The following IL23R variants were observed in gnomAD, a reference collection of about 807,000 sequenced individuals.
IL23R encodes interleukin-23 receptor.
IL23R carries 34 observed loss-of-function variants against 56.9 expected under a neutral mutation model. That is an observed-to-expected ratio of 0.60 (90% CI 0.45 to 0.80). The LOEUF is 0.80. Among genes scored for constraint, IL23R ranks in the 30% least tolerant of loss-of-function variants. The pLI, the probability that IL23R is intolerant of heterozygous loss-of-function variation, is 0.00. For synonymous variants in IL23R, 230 were observed against 249.2 expected (o/e 0.92, Z 0.73); for missense variants, 635 against 730.0 (o/e 0.87, Z 1.50).
intron 7 of IL23R, among the ~76,000 whole-genome samples, chr1:67,224,134 C>T (rs1012596475): frequency 4.6e-5 from 7 of 152,140 alleles, no homozygotes; most frequent in African/African-American, 1.7e-4. Context: ...GGACAAGTTT[C>T]CTTCTGGAGA....
chr1:67,237,070 C>G (rs1453591053), intron 8 of IL23R, among the ~76,000 whole-genome samples: 1 of 151,954 alleles, frequency 6.6e-6, no homozygotes, highest in Admixed American at 6.6e-5. Context: ...TGAGACGAAG[C>G]CTTGTTCTGT....
chr1:67,142,505 T>A (rs140687846), intron 1 of IL23R, among the ~76,000 whole-genome samples: 1 of 152,216 alleles, frequency 6.6e-6, no homozygotes, highest in Non-Finnish European at 1.5e-5. Flanking sequence ...GCCTCTCCCA[T>A]TGGCCTGCTC....
intron 4 of IL23R, among the ~76,000 whole-genome samples, 193 bp from the exon 5 acceptor site, chr1:67,200,544 C>T (rs1648547303): frequency 6.6e-6 from 1 of 151,594 alleles, no homozygotes. Flanking sequence ...AGGCACATGC[C>T]ACCAATTATT....
intron 8 of IL23R, among the ~76,000 whole-genome samples, chr1:67,238,918 A>G (rs1312939530): frequency 1.3e-5 from 2 of 152,108 alleles, no homozygotes; most frequent in Non-Finnish European, 2.9e-5. Context: ...GCTTTAGAAG[A>G]GGGCTGGGCA....
intron 8 of IL23R, 125 bp from the exon 9 acceptor site, chr1:67,240,054 A>G (rs1038370689): frequency 2.7e-6 from 2 of 738,240 alleles, no homozygotes; most frequent in Admixed American, 2.1e-5. Context: ...GTAAAGGTTA[A>G]TTTTGCTTCC....
At chr1:67,186,188 C>A (rs190828382) in intron 4 of IL23R, among the ~76,000 whole-genome samples, 63 of 152,300 alleles carry the variant, frequency 4.1e-4, no homozygotes, top group African/African-American at 1.5e-3. Context: ...AAACTTTGCA[C>A]TTCAAGCACA....
intron 5 of IL23R, among the ~76,000 whole-genome samples, chr1:67,206,509 A>T (rs1029112498): frequency 6.6e-6 from 1 of 152,102 alleles, no homozygotes; most frequent in Non-Finnish European, 1.5e-5. Context: ...GATCATCTGA[A>T]CTAAATTTGG....
chr1:67,233,539 G>C (rs531478790), intron 7 of IL23R, among the ~76,000 whole-genome samples: 3 of 152,100 alleles, frequency 2.0e-5, no homozygotes, highest in African/African-American at 7.2e-5. Context: ...AACTAGCCTG[G>C]TGTTTTGGTA....
intron 1 of IL23R, among the ~76,000 whole-genome samples, chr1:67,151,634 G>A (rs926155272): frequency 6.6e-6 from 1 of 152,130 alleles, no homozygotes; most frequent in African/African-American, 2.4e-5. Context: ...CATATAAGGT[G>A]TAAGGAAAGG....
At chr1:67,264,178 A>G (rs1053472531), downstream of IL23R, among the ~76,000 whole-genome samples, 2 of 152,204 alleles carry the variant, frequency 1.3e-5, no homozygotes, top group South Asian at 4.1e-4. Flanking sequence ...GAGATTAATG[A>G]CTGCAAAAAG....
chr1:67,237,932 T>A (rs1390341030), intron 8 of IL23R, among the ~76,000 whole-genome samples: 4 of 152,174 alleles, frequency 2.6e-5, no homozygotes, highest in African/African-American at 9.7e-5. Context: ...TACTGGGGAA[T>A]CAGCAGTGAA....
intron 4 of IL23R, among the ~76,000 whole-genome samples, chr1:67,198,847 G>T (rs1203144339): frequency 6.6e-6 from 1 of 152,172 alleles, no homozygotes; most frequent in Admixed American, 6.5e-5. Flanking sequence ...CAGGAGGCTG[G>T]GGTGGGAGGA....
chr1:67,207,652 T>C, intron 6 of IL23R: 1 of 399,486 alleles, frequency 2.5e-6, no homozygotes, highest in South Asian at 1.9e-5. Context: ...AAGAAGAGCC[T>C]TTTGCCTCCC....
At position 67,169,426 on chromosome 1, in the gene IL23R, G is replaced by T. The variant is rs1260672434; in HGVS notation, c.155G>T (p.Cys52Phe). Reference sequence around the variant, plus strand: ...ATGGGTATGAATATCTCTATATATTGCCAAGCAGCAATTAAGAACTGCCAA... The same window carrying T: ...ATGGGTATGAATATCTCTATATATTTCCAAGCAGCAATTAAGAACTGCCAA... ...FKMGMNISIY[C>F]QAAIKNCQPR... Residue 52 changes from cysteine to phenylalanine, a missense_variant, in exon 3 of 11, where the codon TGC (cysteine) becomes TTC (phenylalanine). Transcript: ENST00000347310. 6.2e-7 allele frequency: 1 copy of T among 1,613,306 alleles called. No homozygotes were observed. Among genetic ancestry groups the T allele is most frequent in the South Asian group, 1.1e-5 (1 of 91,064 alleles).
chr1:67,247,492 T>C (rs1652310755), intron 9 of IL23R, among the ~76,000 whole-genome samples: 2 of 151,962 alleles, frequency 1.3e-5, no homozygotes. Context: ...TTAGTAGAGA[T>C]GGAGTTTCTC....
chr1:67,151,553 G>T (rs1488223870), intron 1 of IL23R, among the ~76,000 whole-genome samples: 1 of 152,088 alleles, frequency 6.6e-6, no homozygotes, highest in African/African-American at 2.4e-5. Flanking sequence ...GTATTGCCTA[G>T]GTTTTCTTCT....
chr1:67,188,485 C>G (rs1421241813), intron 4 of IL23R, among the ~76,000 whole-genome samples: 2 of 152,196 alleles, frequency 1.3e-5, no homozygotes, highest in Non-Finnish European at 2.9e-5. Flanking sequence ...TGCTGAGCCT[C>G]AGCCTCCTGT....
At chr1:67,225,016 G>A (rs1345884626) in intron 7 of IL23R, among the ~76,000 whole-genome samples, 3 of 152,164 alleles carry the variant, frequency 2.0e-5, no homozygotes, top group Non-Finnish European at 4.4e-5. Flanking sequence ...GTAAACAGTA[G>A]AGCCAGGGTC....
At chr1:67,210,694 C>T (rs1427664102) in intron 6 of IL23R, among the ~76,000 whole-genome samples, 2 of 151,886 alleles carry the variant, frequency 1.3e-5, no homozygotes, top group African/African-American at 4.8e-5. Flanking sequence ...TTGAACTAGC[C>T]TCAAATAATC....
Sources: gnomAD v4.1 joint callset for allele counts (sites outside exome capture counted in the v4.1 genomes callset) on GRCh38, gnomAD v4.1.1 for gene constraint, MANE v1.5 for transcripts, NCBI Gene and HGNC (gene_info 2026-07-23, HGNC 2026-07-21) for gene names.